SUFU: variants seen among roughly 807,000 people sequenced by gnomAD.
SUFU encodes suppressor of fused homolog.
A neutral mutation model predicts 58.9 loss-of-function variants in SUFU; 7 were observed. That is an observed-to-expected ratio of 0.12 (90% CI 0.07 to 0.22). The LOEUF is 0.22. Among genes scored for constraint, SUFU ranks in the 10% least tolerant of loss-of-function variants. The pLI, the probability that SUFU is intolerant of heterozygous loss-of-function variation, is 1.00. For synonymous variants in SUFU, 232 were observed against 254.8 expected (o/e 0.91, Z 0.85); for missense variants, 451 against 641.3 (o/e 0.70, Z 3.20).
At chr10:102,614,112 C>A (rs1294619515) in intron 8 of SUFU, among the ~76,000 whole-genome samples, 1 of 152,200 alleles carries the variant, frequency 6.6e-6, no homozygotes, top group Non-Finnish European at 1.5e-5. Flanking sequence ...ATCCTCAGAG[C>A]CTTCAGGGTC....
At chr10:102,512,463 C>T (rs187783066) in intron 2 of SUFU, among the ~76,000 whole-genome samples, 285 of 152,290 alleles carry the variant, frequency 1.9e-3, no homozygotes, top group Middle Eastern at 3.4e-3. Context: ...GCCCAAGGCC[C>T]AAAATAACAT....
At chr10:102,569,109 A>G (rs1358788421) in intron 3 of SUFU, among the ~76,000 whole-genome samples, 6 of 151,442 alleles carry the variant, frequency 4.0e-5, no homozygotes, top group African/African-American at 7.3e-5. Context: ...ATTGTTGCCC[A>G]TATATGAACA....
intron 8 of SUFU, 123 bp from the exon 9 acceptor site, chr10:102,615,145 C>T: frequency 7.0e-7 from 1 of 1,429,172 alleles, no homozygotes; most frequent in Non-Finnish European, 9.7e-7. Context: ...ATGGCTGTCA[C>T]CATCATTATC....
rs566714720 is a variant in SUFU at position 102,504,259 on chromosome 10, C to T, written c.107C>T (p.Ala36Val). 5.0e-6 allele frequency: 8 copies of T among 1,613,994 alleles called. No individual in the cohort carries two copies. The Admixed American group carries it at 5.0e-5, about 10-fold the overall frequency. The change falls in exon 1 of 12, where the codon GCC (alanine) becomes GTC (valine). Residue 36 changes from alanine to valine, a missense_variant. Ala to Val is a moderately conservative substitution (Grantham distance 64). Transcript: ENST00000369902. ...TCGCTCTTTCCCCCGGGACTGCACG[C>T]CATCTACGGAGAGTGCCGCCGCCTT... is the stretch of plus-strand genomic sequence containing the variant. Reference protein sequence around the residue: ...FASLFPPGLHAIYGECRRLYP... With the variant: ...FASLFPPGLHVIYGECRRLYP...
intron 1 of SUFU, among the ~76,000 whole-genome samples, chr10:102,506,695 T>C (rs1433139796): frequency 1.3e-5 from 2 of 152,210 alleles, no homozygotes; most frequent in African/African-American, 4.8e-5. Flanking sequence ...GACTGGTACT[T>C]TCTAAGATGT....
intron 2 of SUFU, among the ~76,000 whole-genome samples, chr10:102,512,513 C>T (rs1434226511): frequency 6.6e-6 from 1 of 152,198 alleles, no homozygotes; most frequent in Non-Finnish European, 1.5e-5. Flanking sequence ...TCAGAAGGGG[C>T]AACCTCTTAA....
intron 1 of SUFU, among the ~76,000 whole-genome samples, chr10:102,507,562 C>T (rs753372894): frequency 1.8e-4 from 27 of 152,202 alleles, no homozygotes; most frequent in Non-Finnish European, 3.2e-4. Flanking sequence ...AGATGCTAAG[C>T]TATTTGTAGC....
At chr10:102,555,125 G>A (rs1333040125) in intron 3 of SUFU, among the ~76,000 whole-genome samples, 2 of 151,934 alleles carry the variant, frequency 1.3e-5, no homozygotes, top group African/African-American at 4.8e-5. Context: ...AAAATTAGCC[G>A]GACGTGGTGG....
intron 2 of SUFU, among the ~76,000 whole-genome samples, chr10:102,525,557 C>T (rs1331454943): frequency 2.6e-5 from 4 of 152,104 alleles, no homozygotes; most frequent in Non-Finnish European, 4.4e-5. Flanking sequence ...TGTAGTGGTG[C>T]GATCTTGCGA....
intron 3 of SUFU, among the ~76,000 whole-genome samples, chr10:102,557,800 GGAGA>G (rs1476719766): frequency 1.3e-5 from 2 of 152,094 alleles, no homozygotes; most frequent in African/African-American, 4.8e-5. Context: ...CCACCACTGG[GGAGA>G]TGAGCACCAT....
chr10:102,618,933 T>C (rs535375155), intron 10 of SUFU: 294 of 156,358 alleles, frequency 1.9e-3, no homozygotes, highest in African/African-American at 9.2e-3. Context: ...TCAGGTAGCG[T>C]GTGTGTGTGT....
At chr10:102,543,834 T>A (rs546454683) in intron 2 of SUFU, among the ~76,000 whole-genome samples, 1 of 152,340 alleles carries the variant, frequency 6.6e-6, no homozygotes, top group Non-Finnish European at 1.5e-5. Context: ...ATAACAACTC[T>A]ATGAAACAGT....
chr10:102,509,693 A>G (rs1178338788), intron 2 of SUFU, among the ~76,000 whole-genome samples: 1 of 152,202 alleles, frequency 6.6e-6, no homozygotes, highest in African/African-American at 2.4e-5. Flanking sequence ...GTGAACACTC[A>G]TATACCCACA....
At chr10:102,570,398 C>T (rs760176761) in intron 3 of SUFU, among the ~76,000 whole-genome samples, 5 of 152,090 alleles carry the variant, frequency 3.3e-5, no homozygotes, top group Admixed American at 6.5e-5. Context: ...CACGCCACCA[C>T]GCCTGGCTAA....
At chr10:102,596,586 G>A (rs1314161214) in intron 6 of SUFU, among the ~76,000 whole-genome samples, 1 of 152,190 alleles carries the variant, frequency 6.6e-6, no homozygotes, top group Non-Finnish European at 1.5e-5. Flanking sequence ...ATGCATCTAG[G>A]GAAGTCCAGC....
chr10:102,564,933 C>T (rs1270162585), intron 3 of SUFU, among the ~76,000 whole-genome samples: 2 of 152,184 alleles, frequency 1.3e-5, no homozygotes, highest in East Asian at 3.8e-4. Flanking sequence ...TCCTACTGCA[C>T]TGAAGAAAAA....
chr10:102,597,230 G>A lies in SUFU; in HGVS notation c.847G>A (p.Glu283Lys), dbSNP rs1554852789. The change falls in exon 7 of 12, where the codon GAG (glutamate) becomes AAG (lysine). Residue 283 changes from glutamate to lysine, a missense_variant. By Grantham distance (56) the Glu-to-Lys change is moderately conservative. Coordinates refer to ENST00000369902, the MANE Select transcript of SUFU (RefSeq NM_016169.4). ...CTGGGATGACCTGAGCCGGCCCCCCGAGGATGACGAGGACAGCCGGAGCAT... is the reference window on the plus strand; with the variant it reads ...CTGGGATGACCTGAGCCGGCCCCCCAAGGATGACGAGGACAGCCGGAGCAT... ...CAWDDLSRPPEDDEDSRSICI... is the reference protein window; with the variant it reads ...CAWDDLSRPPKDDEDSRSICI... 1.9e-6 allele frequency: 3 copies of A among 1,613,978 alleles called. No individual in the cohort carries two copies. Among genetic ancestry groups the A allele is most frequent in the South Asian group, 1.1e-5 (1 of 91,068 alleles).
At chr10:102,627,860 T>C (rs1467505694) in intron 11 of SUFU, among the ~76,000 whole-genome samples, 1 of 152,116 alleles carries the variant, frequency 6.6e-6, no homozygotes, top group Middle Eastern at 3.2e-3. Context: ...ATCCCCTTTG[T>C]TTTTTCTCCC....
At chr10:102,592,483 C>A in intron 3 of SUFU, 99 bp from the exon 4 acceptor site, 2 of 1,426,226 alleles carry the variant, frequency 1.4e-6, no homozygotes, top group African/African-American at 1.4e-5. Context: ...CCCTAAGAGG[C>A]TGGGAAGCCT....
Sources: allele counts gnomAD v4.1 joint callset (sites outside exome capture counted in the v4.1 genomes callset), GRCh38; gene constraint gnomAD v4.1.1; transcripts MANE v1.5; gene names NCBI Gene and HGNC (gene_info 2026-07-23, HGNC 2026-07-21).